NBDY: variants seen among roughly 807,000 people sequenced by gnomAD.
NBDY encodes the protein P-body dissociating protein.
At chrX:56,783,463 G>A (rs1027355725) in intron 2 of NBDY, among the ~76,000 whole-genome samples, 30 of 112,416 alleles carry the variant, frequency 2.7e-4, no homozygotes, top group African/African-American at 8.1e-4. Flanking sequence ...TCCCTTATGC[G>A]TATCTCAAAA....
intron 2 of NBDY, among the ~76,000 whole-genome samples, chrX:56,761,572 G>A (rs2069637158): frequency 8.8e-6 from 1 of 113,216 alleles, no homozygotes; most frequent in African/African-American, 3.2e-5. Flanking sequence ...ATTCTTGTTC[G>A]CTGTCATCCT....
intron 2 of NBDY, among the ~76,000 whole-genome samples, chrX:56,760,460 C>A (rs757511827): frequency 1.7e-4 from 19 of 112,521 alleles, no homozygotes; most frequent in Non-Finnish European, 3.4e-4. Context: ...CCGAGGCAGG[C>A]AGATCACTTG....
intron 1 of NBDY, among the ~76,000 whole-genome samples, chrX:56,730,513 CAAAAAAAAAAAA>C (rs1157131797): frequency 1.8e-3 from 20 of 11,215 alleles, no homozygotes; most frequent in Non-Finnish European, 2.6e-3. Context: ...AACTACGTCT[CAAAAAAAAAAAA>C]AAAAAAAAAA....
intron 2 of NBDY, among the ~76,000 whole-genome samples, chrX:56,805,550 C>T (rs2069844640): frequency 8.9e-6 from 1 of 111,807 alleles, no homozygotes; most frequent in Admixed American, 9.5e-5. Context: ...TGTGGCTTTC[C>T]AATATTTGCT....
At chrX:56,813,678 T>A (rs1455089490) in intron 2 of NBDY, among the ~76,000 whole-genome samples, 1 of 111,730 alleles carries the variant, frequency 9.0e-6, no homozygotes, top group Non-Finnish European at 1.9e-5. Context: ...AATCACCACT[T>A]GCGATGGGCA....
intron 2 of NBDY, among the ~76,000 whole-genome samples, chrX:56,810,147 G>T (rs2069878355): frequency 9.0e-6 from 1 of 110,564 alleles, no homozygotes; most frequent in Admixed American, 9.6e-5. Flanking sequence ...GGCTTCCCTT[G>T]TAACCCAACC....
chrX:56,811,533 T>G (rs188594195), intron 2 of NBDY, among the ~76,000 whole-genome samples: 23 of 112,079 alleles, frequency 2.1e-4, no homozygotes, highest in Admixed American at 3.8e-4. Context: ...GTTCGAACTT[T>G]CCAGCAGCTT....
At chrX:56,757,983 C>T (rs935227223) in intron 2 of NBDY, among the ~76,000 whole-genome samples, 1 of 111,198 alleles carries the variant, frequency 9.0e-6, no homozygotes, top group African/African-American at 3.3e-5. Flanking sequence ...GTGTGCACCA[C>T]ACTTGTCCCT....
At chrX:56,762,240 C>T (rs1365657987) in intron 2 of NBDY, among the ~76,000 whole-genome samples, 1 of 110,682 alleles carries the variant, frequency 9.0e-6, no homozygotes, top group Non-Finnish European at 1.9e-5. Flanking sequence ...CCATCTGGTT[C>T]TTCTTCCTCT....
At chrX:56,747,011 A>T (rs950880075) in intron 2 of NBDY, among the ~76,000 whole-genome samples, 6 of 111,975 alleles carry the variant, frequency 5.4e-5, no homozygotes, top group African/African-American at 1.9e-4. Context: ...GTAAAATAAC[A>T]TAGTCATGGA....
chrX:56,758,990 T>A, intron 2 of NBDY, among the ~76,000 whole-genome samples: 1 of 112,080 alleles, frequency 8.9e-6, no homozygotes, highest in Non-Finnish European at 1.9e-5. Flanking sequence ...AGGTTGCATG[T>A]CCTACCCATA....
chrX:56,761,836 G>C (rs981821529), intron 2 of NBDY, among the ~76,000 whole-genome samples: 4 of 112,256 alleles, frequency 3.6e-5, no homozygotes, highest in Non-Finnish European at 7.5e-5. Flanking sequence ...TCTCCCTAGT[G>C]CCATAGGTGG....
At chrX:56,743,002 A>G (rs1004326488) in intron 2 of NBDY, among the ~76,000 whole-genome samples, 3 of 111,200 alleles carry the variant, frequency 2.7e-5, no homozygotes, top group Admixed American at 9.5e-5. Flanking sequence ...TGTTCCTTCT[A>G]TACCCATTTT....
intron 2 of NBDY, among the ~76,000 whole-genome samples, chrX:56,760,936 G>A (rs2069634684): frequency 9.0e-6 from 1 of 111,330 alleles, no homozygotes; most frequent in Non-Finnish European, 1.9e-5. Flanking sequence ...GGGGCTACAG[G>A]GTGGCGGGTG....
chrX:56,781,740 T>A (rs756924143), intron 2 of NBDY, among the ~76,000 whole-genome samples: 2 of 112,351 alleles, frequency 1.8e-5, no homozygotes, highest in African/African-American at 6.5e-5. Flanking sequence ...ACAGGCTTAC[T>A]GTTTCTAAGG....
intron 1 of NBDY, among the ~76,000 whole-genome samples, chrX:56,731,122 G>GAAA (rs397947592): frequency 9.7e-6 from 1 of 103,185 alleles, no homozygotes; most frequent in African/African-American, 3.5e-5. Flanking sequence ...GTAATGCATA[G>GAAA]AAAAAAAAAA....
intron 2 of NBDY, among the ~76,000 whole-genome samples, chrX:56,767,417 G>A (rs1013708553): frequency 8.8e-6 from 1 of 113,381 alleles, no homozygotes; most frequent in Non-Finnish European, 1.9e-5. Context: ...TCAGCCCGCC[G>A]CTACACTGTG....
At chrX:56,802,354 C>T (rs2069827616) in intron 2 of NBDY, among the ~76,000 whole-genome samples, 2 of 112,207 alleles carry the variant, frequency 1.8e-5, no homozygotes, top group Admixed American at 1.9e-4. Context: ...GACCCTTGGC[C>T]CTCTGTGATG....
At chrX:56,809,065 G>A (rs1408862502) in intron 2 of NBDY, among the ~76,000 whole-genome samples, 1 of 112,459 alleles carries the variant, frequency 8.9e-6, no homozygotes, top group African/African-American at 3.2e-5. Context: ...GTAGCTGTGC[G>A]GTTTTGAGTG....
Sources: allele counts gnomAD v4.1 joint callset (sites outside exome capture counted in the v4.1 genomes callset), GRCh38; gene constraint gnomAD v4.1.1; transcripts MANE v1.5; gene names NCBI Gene and HGNC (gene_info 2026-07-23, HGNC 2026-07-21).